Variants in CAMTA1 observed in about 807,000 individuals in gnomAD.
CAMTA1 encodes calmodulin binding transcription activator 1.
CAMTA1 carries 27 observed loss-of-function variants against 170.9 expected under a neutral mutation model. The ratio of observed to expected loss-of-function variants is 0.16; its 90% CI spans 0.12 to 0.22. CAMTA1 has a LOEUF of 0.22. CAMTA1 is among the 10% of genes least tolerant of loss of function. The pLI is 1.00. For synonymous variants in CAMTA1, 833 were observed against 891.5 expected (o/e 0.93, Z 1.17); for missense variants, 1,619 against 2,217.2 (o/e 0.73, Z 5.42).
intron 4 of CAMTA1, among the ~76,000 whole-genome samples, chr1:7,095,942 A>T (rs375525379): frequency 6.6e-6 from 1 of 152,252 alleles, no homozygotes; most frequent in Admixed American, 6.5e-5. Flanking sequence ...GAAGCCAGGA[A>T]CACACAAAGC....
intron 4 of CAMTA1, among the ~76,000 whole-genome samples, chr1:7,177,600 CT>C (rs1487163356): frequency 2.0e-5 from 3 of 150,920 alleles, no homozygotes; most frequent in Non-Finnish European, 4.4e-5. Flanking sequence ...ACCGAGGCCC[CT>C]CCCATACACT....
intron 3 of CAMTA1, among the ~76,000 whole-genome samples, chr1:6,835,759 C>T (rs1298328819): frequency 6.6e-6 from 1 of 152,154 alleles, no homozygotes; most frequent in Non-Finnish European, 1.5e-5. Flanking sequence ...GTTGAGCTTT[C>T]TAGAGCTTTT....
intron 5 of CAMTA1, among the ~76,000 whole-genome samples, chr1:7,390,054 G>C (rs948148472): frequency 8.5e-5 from 13 of 152,134 alleles, no homozygotes; most frequent in Admixed American, 8.5e-4. Flanking sequence ...ATCTTTACCT[G>C]CCGCTTCCCT....
chr1:7,057,777 C>T (rs1278457941), intron 3 of CAMTA1, among the ~76,000 whole-genome samples: 4 of 152,238 alleles, frequency 2.6e-5, no homozygotes, highest in Non-Finnish European at 4.4e-5. Context: ...CAGATATAGT[C>T]ACGGTTTGCT....
At chr1:6,996,689 A>AAAAG (rs575454704) in intron 3 of CAMTA1, among the ~76,000 whole-genome samples, 88 of 151,344 alleles carry the variant, frequency 5.8e-4, no homozygotes, top group African/African-American at 7.2e-4. Flanking sequence ...ATTTAAAAAA[A>AAAAG]AAAGAAAGAA....
At chr1:6,822,878 G>A (rs776135521) in intron 2 of CAMTA1, among the ~76,000 whole-genome samples, 5 of 151,562 alleles carry the variant, frequency 3.3e-5, no homozygotes, top group Admixed American at 6.6e-5. Context: ...TGGGTTCCTC[G>A]AAGAGGCTAA....
intron 11 of CAMTA1, among the ~76,000 whole-genome samples, chr1:7,704,336 C>G (rs1221226769): frequency 2.1e-5 from 3 of 145,628 alleles, no homozygotes; most frequent in Non-Finnish European, 4.6e-5. Context: ...GCCGTCGGCC[C>G]GGGCAGCGGG....
intron 5 of CAMTA1, among the ~76,000 whole-genome samples, chr1:7,391,907 A>C (rs1317503624): frequency 6.6e-6 from 1 of 152,028 alleles, no homozygotes; most frequent in African/African-American, 2.4e-5. Context: ...TTAACCATTC[A>C]CCTATTGAAG....
intron 3 of CAMTA1, among the ~76,000 whole-genome samples, chr1:6,843,411 C>G (rs1656680656): frequency 6.6e-6 from 1 of 152,140 alleles, no homozygotes; most frequent in Non-Finnish European, 1.5e-5. Context: ...AGTTAGAAAA[C>G]TTTGTGTTTT....
intron 1 of CAMTA1, among the ~76,000 whole-genome samples, chr1:6,800,891 G>A (rs1033630613): frequency 1.2e-4 from 18 of 152,144 alleles, no homozygotes; most frequent in African/African-American, 4.3e-4. Context: ...TGAAGTTCCT[G>A]GTGTTCGTGT....
intron 4 of CAMTA1, among the ~76,000 whole-genome samples, chr1:7,194,872 T>C (rs1484838178): frequency 6.6e-6 from 1 of 152,230 alleles, no homozygotes; most frequent in Non-Finnish European, 1.5e-5. Flanking sequence ...TGCTTCTGCC[T>C]GCAAGGCCCT....
chr1:6,997,387 A>G (rs1311653139), intron 3 of CAMTA1, among the ~76,000 whole-genome samples: 1 of 152,010 alleles, frequency 6.6e-6, no homozygotes, highest in African/African-American at 2.4e-5. Flanking sequence ...TTTGAGGCCA[A>G]ATTCCGAGGT....
chr1:7,692,564 G>A (rs2096329315), intron 11 of CAMTA1, among the ~76,000 whole-genome samples: 1 of 151,988 alleles, frequency 6.6e-6, no homozygotes, highest in African/African-American at 2.4e-5. Flanking sequence ...GGTGAGTCGG[G>A]GCCATGAAAA....
intron 3 of CAMTA1, among the ~76,000 whole-genome samples, chr1:6,942,455 C>G (rs112801534): frequency 6.6e-6 from 1 of 151,904 alleles, no homozygotes; most frequent in Non-Finnish European, 1.5e-5. Flanking sequence ...TCCAGGAGTT[C>G]GAGAGCAGCC....
chr1:6,921,648 A>C (rs1323694292), intron 3 of CAMTA1, among the ~76,000 whole-genome samples: 1 of 152,224 alleles, frequency 6.6e-6, no homozygotes, highest in Non-Finnish European at 1.5e-5. Flanking sequence ...TTGGACTCAC[A>C]GTTCCATGTG....
At chr1:7,709,827 TCAC>T (rs2149642395) in intron 11 of CAMTA1, among the ~76,000 whole-genome samples, 1 of 152,380 alleles carries the variant, frequency 6.6e-6, no homozygotes, top group South Asian at 2.1e-4. Flanking sequence ...AAAAGCATGG[TCAC>T]CATCATCAGA....
intron 6 of CAMTA1, among the ~76,000 whole-genome samples, chr1:7,536,579 A>G (rs1575864868): frequency 6.6e-6 from 1 of 152,102 alleles, no homozygotes; most frequent in Non-Finnish European, 1.5e-5. Context: ...AGGGTTCCCT[A>G]TTCTGGAACA....
At chr1:7,011,924 C>T (rs1421654450) in intron 3 of CAMTA1, among the ~76,000 whole-genome samples, 1 of 152,182 alleles carries the variant, frequency 6.6e-6, no homozygotes, top group South Asian at 2.1e-4. Flanking sequence ...CATGTCTCTC[C>T]GCCCCACTCC....
intron 4 of CAMTA1, among the ~76,000 whole-genome samples, chr1:7,120,376 A>G (rs1644571252): frequency 6.6e-6 from 1 of 152,160 alleles, no homozygotes; most frequent in Non-Finnish European, 1.5e-5. Flanking sequence ...TCAATTCCTC[A>G]CAGGTTGTTG....
Sources: allele counts gnomAD v4.1 joint callset (sites outside exome capture counted in the v4.1 genomes callset), GRCh38; gene constraint gnomAD v4.1.1; transcripts MANE v1.5; gene names NCBI Gene and HGNC (gene_info 2026-07-23, HGNC 2026-07-21).